SWAP70: variants seen among roughly 807,000 people sequenced by gnomAD.
SWAP70 encodes the protein switch-associated protein 70.
A neutral mutation model predicts 80.2 loss-of-function variants in SWAP70; 34 were observed. The observed-to-expected ratio is 0.42, with a 90% CI of 0.32 to 0.56. The LOEUF (loss-of-function observed/expected upper bound fraction) is 0.56, where lower values mean the gene tolerates loss of function less well. Ranked by LOEUF, SWAP70 falls within the 20% of genes least tolerant of loss-of-function variation. The pLI is 0.09. For synonymous variants in SWAP70, 239 were observed against 238.5 expected (o/e 1.00, Z -0.02); for missense variants, 578 against 690.7 (o/e 0.84, Z 1.83).
At chr11:9,676,690 C>T (rs553040736) in intron 1 of SWAP70, among the ~76,000 whole-genome samples, 42 of 144,790 alleles carry the variant, frequency 2.9e-4, no homozygotes, top group Non-Finnish European at 5.1e-4. Context: ...TGCTCTGTTG[C>T]CCAGGCTGGA....
intron 7 of SWAP70, among the ~76,000 whole-genome samples, chr11:9,736,327 C>T (rs1851362148): frequency 6.6e-6 from 1 of 152,072 alleles, no homozygotes; most frequent in African/African-American, 2.4e-5. Flanking sequence ...TTGAAGTCTT[C>T]ATATGCTAAA....
intron 1 of SWAP70, among the ~76,000 whole-genome samples, chr11:9,684,475 T>G (rs1028328524): frequency 6.6e-6 from 1 of 152,208 alleles, no homozygotes; most frequent in African/African-American, 2.4e-5. Context: ...AAGGAGGTGA[T>G]AGTCAAGGAG....
chr11:9,709,998 A>G (rs1850974602), intron 2 of SWAP70, among the ~76,000 whole-genome samples: 1 of 152,216 alleles, frequency 6.6e-6, no homozygotes, highest in Non-Finnish European at 1.5e-5. Flanking sequence ...CTATTCATTC[A>G]GTGGAAGTGG....
In SWAP70 at chr11:9,664,288, T is replaced by C. The variant is rs750416752; in HGVS notation, c.99+10T>C. 2.6e-6 allele frequency: 4 copies of C among 1,556,560 alleles called. No individual in the cohort carries two copies. The East Asian group carries it at 9.7e-5, about 38-fold the overall frequency. The stretch of plus-strand genomic sequence containing the variant: ...CAAGTCCCAGCTCAAGGTGGGCGCC[T>C]CCTGACCCGGCCCCCCACCCGACCC... On this transcript the variant is annotated intron_variant, in intron 1 of 11. Transcript: ENST00000318950.
chr11:9,712,094 C>T (rs538532514), intron 2 of SWAP70, among the ~76,000 whole-genome samples: 21 of 152,162 alleles, frequency 1.4e-4, no homozygotes, highest in African/African-American at 5.1e-4. Flanking sequence ...CGAATCTTTC[C>T]CCAGATGTCA....
chr11:9,677,020 G>A (rs539408505), intron 1 of SWAP70, among the ~76,000 whole-genome samples: 2 of 151,780 alleles, frequency 1.3e-5, no homozygotes, highest in East Asian at 1.9e-4. Context: ...CAGAACCGAG[G>A]GATACGGAGG....
chr11:9,683,070 G>A (rs957469227), intron 1 of SWAP70, among the ~76,000 whole-genome samples: 13 of 152,208 alleles, frequency 8.5e-5, no homozygotes, highest in African/African-American at 3.1e-4. Flanking sequence ...GATGATGGAT[G>A]TGACTGCATA....
chr11:9,674,919 A>C (rs2134424295), intron 1 of SWAP70, among the ~76,000 whole-genome samples: 1 of 151,702 alleles, frequency 6.6e-6, no homozygotes, highest in South Asian at 2.1e-4. Flanking sequence ...CAGTGAGCGG[A>C]GATTATGCCA....
chr11:9,746,767 G>GT (rs1851517385), intron 9 of SWAP70, among the ~76,000 whole-genome samples: 1 of 152,184 alleles, frequency 6.6e-6, no homozygotes, highest in African/African-American at 2.4e-5. Flanking sequence ...AAAAAACTTC[G>GT]TAAGAATTGA....
intron 1 of SWAP70, among the ~76,000 whole-genome samples, chr11:9,685,217 A>G (rs959393248): frequency 2.0e-5 from 3 of 151,914 alleles, no homozygotes; most frequent in Non-Finnish European, 2.9e-5. Flanking sequence ...GGCTTTTTAA[A>G]GAGGTATGGG....
intron 3 of SWAP70, among the ~76,000 whole-genome samples, chr11:9,715,826 C>T (rs943248703): frequency 2.6e-5 from 4 of 152,208 alleles, no homozygotes; most frequent in Admixed American, 1.3e-4. Context: ...ACAGCCAAAC[C>T]ATATCACTGC....
At chr11:9,715,294 T>A (rs1397479287) in intron 3 of SWAP70, among the ~76,000 whole-genome samples, 1 of 152,104 alleles carries the variant, frequency 6.6e-6, no homozygotes, top group Non-Finnish European at 1.5e-5. Flanking sequence ...GGGAATTTTT[T>A]AAAAGTATGC....
In SWAP70 at chr11:9,752,441, C is replaced by T. The variant is rs2133823847; in HGVS notation, c.*2471C>T. The T allele has an allele frequency of 6.6e-6, 1 of 152,368 alleles. No homozygotes were observed. The highest frequency in any genetic ancestry group is 1.5e-5 in the Non-Finnish European group (1 of 68,032). 9.4% of individuals were successfully genotyped at this position (152,368 alleles called of 1,614,324 possible). A position where few individuals can be genotyped will look rare whatever the true frequency, so the allele number is the denominator to read the frequency against. Reference sequence around the variant, plus strand: ...GCTTTCTGTTTAATGCATAGTGTTACCGATTTACATCTTGGTTTTCAGTGG... The same window carrying T: ...GCTTTCTGTTTAATGCATAGTGTTATCGATTTACATCTTGGTTTTCAGTGG... On this transcript the variant is annotated 3_prime_UTR_variant, in exon 12 of 12. Transcript: ENST00000318950.
chr11:9,700,036 G>T (rs1256506680), intron 2 of SWAP70, among the ~76,000 whole-genome samples: 1 of 152,038 alleles, frequency 6.6e-6, no homozygotes, highest in African/African-American at 2.4e-5. Flanking sequence ...GAGAAACATG[G>T]TTTAATATCT....
intron 3 of SWAP70, among the ~76,000 whole-genome samples, chr11:9,713,879 A>T (rs562994838): frequency 8.1e-4 from 124 of 152,340 alleles, no homozygotes; most frequent in African/African-American, 2.9e-3. Flanking sequence ...TATGATGATA[A>T]GTGAATCTAT....
intron 4 of SWAP70, among the ~76,000 whole-genome samples, chr11:9,726,676 C>G (rs1269676746): frequency 6.6e-6 from 1 of 152,212 alleles, no homozygotes; most frequent in Non-Finnish European, 1.5e-5. Flanking sequence ...TATGTATATT[C>G]TATCATGCGC....
chr11:9,681,108 C>T (rs1850562553), intron 1 of SWAP70: 1 of 152,502 alleles, frequency 6.6e-6, no homozygotes, highest in Non-Finnish European at 1.5e-5. Flanking sequence ...AGTCTTCGGT[C>T]AAGGGTATAT....
chr11:9,664,128 G>C lies in SWAP70; in HGVS notation c.-52G>C. On this transcript the variant is annotated 5_prime_UTR_variant, in exon 1 of 12. Transcript: ENST00000318950. ...GCGGAGGTTGAGGGGCGTCCGAGGC[G>C]CGGAGGGGCTGGCTGGGCAGGAGGG... 6.6e-7 allele frequency: 1 copy of C among 1,508,654 alleles called. No homozygotes were observed. The allele number at this position is 1,508,654 out of a possible 1,614,324, so 93.5% of individuals were successfully genotyped here.
Position 9,740,532 on chromosome 11 carries a change from C to T in SWAP70, c.1355+185C>T, listed in dbSNP as rs543661062. ...ACCGGCTGGAGTGTTTCTTTTCATTCTGAGGCGCTGGGAAACCCTTGCTTC... is the reference window on the plus strand; with the variant it reads ...ACCGGCTGGAGTGTTTCTTTTCATTTTGAGGCGCTGGGAAACCCTTGCTTC... On this transcript the variant is annotated intron_variant, in intron 9 of 11. Transcript: ENST00000318950. The T allele has an allele frequency of 8.1e-4, 525 of 650,640 alleles. 4 individuals carry two copies. The African/African-American group carries it at 8.5e-3, about 11-fold the overall frequency. 40.3% of individuals were successfully genotyped at this position (650,640 alleles called of 1,614,324 possible). A position where few individuals can be genotyped will look rare whatever the true frequency, so the allele number is the denominator to read the frequency against.
Sources: allele counts gnomAD v4.1 joint callset (sites outside exome capture counted in the v4.1 genomes callset), GRCh38; gene constraint gnomAD v4.1.1; transcripts MANE v1.5; gene names NCBI Gene and HGNC (gene_info 2026-07-23, HGNC 2026-07-21).